Variants in FIZ1 observed in about 807,000 individuals in gnomAD.
The protein encoded by FIZ1 is FLT3 interacting zinc finger 1.
Under a neutral mutation model 5.3 loss-of-function variants are expected in FIZ1, and 2 were observed. The observed-to-expected ratio is 0.37, with a 90% CI of 0.15 to 1.18. The LOEUF is 1.18. Among genes scored for constraint, FIZ1 ranks in the 50% most tolerant of loss-of-function variants. FIZ1 has a pLI of 0.37. For missense variants in FIZ1, 631 were observed against 749.7 expected (o/e 0.84, Z 1.85); for synonymous variants, 407 against 364.2 (o/e 1.12, Z -1.34).
rs1325361368 is a variant in FIZ1, at chr19:55,593,702, C to T, written c.295-56G>A. 2.7e-6 allele frequency: 4 copies of T among 1,481,936 alleles called. No individual in the cohort carries two copies. The highest frequency in any genetic ancestry group is 1.2e-5 in the South Asian group (1 of 82,356). The allele number at this position is 1,481,936 out of a possible 1,614,324, so 91.8% of individuals were successfully genotyped here. On this transcript the variant is annotated intron_variant, in intron 2 of 2. Coordinates refer to ENST00000221665, the MANE Select transcript of FIZ1 (RefSeq NM_032836.3). This position sits in a 1 kb window ranked among gnomAD's most constrained non-coding sequence, Gnocchi z 6.3. ...AGGGCTGAGAACCTAGCCCGGACAA[C>T]GGATTCCTGGACTCCCAGAGGGTTG...
chr19:55,593,534 G>C lies in FIZ1; in HGVS notation c.407C>G (p.Ser136Cys). 6.4e-7 allele frequency: 1 copy of C among 1,550,784 alleles called. No homozygotes were observed. Among genetic ancestry groups the C allele is most frequent in the Non-Finnish European group, 8.7e-7 (1 of 1,146,888 alleles). The change falls in exon 3 of 3, where the codon TCT becomes TGT. Residue 136 changes from serine (S) to cysteine (C), a missense_variant. Coordinates refer to ENST00000221665, the MANE Select transcript of FIZ1 (RefSeq NM_032836.3). This position sits in a 1 kb window ranked among gnomAD's most constrained non-coding sequence, Gnocchi z 6.3. ...CAGGCCAGGGCCGGGCTGCAGGGGAGAGGGGAGAACCCCACGGTGCTGGCG... is the reference window on the plus strand; with the variant it reads ...CAGGCCAGGGCCGGGCTGCAGGGGACAGGGGAGAACCCCACGGTGCTGGCG... ...LKRQHRGVLP[S>C]PLQPGPGLPA...
rs1203423610 is a variant in FIZ1, at chr19:55,593,404, C to T, written c.537G>A (p.Ala179=). ...CTGCCAGCCCCCAGCTGCCCAGACC[C>T]GCGCCTGCCCCCTCGGGGCCCTCTC... ...GGGEGPEGAG[A]GLGSWGLAEA... is the part of the protein sequence containing the mutation. Residue 179 remains alanine, a synonymous_variant, in exon 3 of 3, where the codon GCG becomes GCA. Coordinates refer to ENST00000221665, the MANE Select transcript of FIZ1 (RefSeq NM_032836.3). This position sits in a 1 kb window ranked among gnomAD's most constrained non-coding sequence, Gnocchi z 6.3. 4 of 1,454,534 alleles carry T rather than the reference C, an allele frequency of 2.8e-6. No homozygotes were observed. The highest frequency in any genetic ancestry group is 2.5e-4 in the Middle Eastern group (1 of 3,992). 90.1% of individuals were successfully genotyped at this position (1,454,534 alleles called of 1,614,324 possible). A position where few individuals can be genotyped will look rare whatever the true frequency, so the allele number is the denominator to read the frequency against.
In FIZ1 at chr19:55,592,347, T is replaced by G; in HGVS notation, c.*103A>C. On this transcript the variant is annotated 3_prime_UTR_variant, in exon 3 of 3. Coordinates refer to ENST00000221665, the MANE Select transcript of FIZ1 (RefSeq NM_032836.3). The surrounding 1 kb of genome is among the most constrained non-coding windows in gnomAD (Gnocchi z 6.9). ...CCTCATTTCAGGGCCTGCGTCTGGA[T>G]TTGGATTTGGAGGGCCGGGGCCTCA... 5.5e-5 allele frequency: 63 copies of G among 1,155,892 alleles called. No homozygotes were observed. The highest frequency in any genetic ancestry group is 6.7e-5 in the Non-Finnish European group (57 of 845,626). The allele number at this position is 1,155,892 out of a possible 1,614,324, so 71.6% of individuals were successfully genotyped here.
intron 1 of FIZ1, chr19:55,598,818 G>A (rs1319267938): frequency 6.6e-6 from 1 of 152,142 alleles, no homozygotes; most frequent in Admixed American, 6.6e-5. Flanking sequence ...TCCCCTGCAA[G>A]TCCTTTCCAC....
chr19:55,592,403 C>G lies in FIZ1; in HGVS notation c.*47G>C, dbSNP rs1038795202. 2 of 1,486,244 alleles carry G rather than the reference C, an allele frequency of 1.3e-6. No individual in the cohort carries two copies. The highest frequency in any genetic ancestry group is 2.4e-4 in the Middle Eastern group (1 of 4,218). 92.1% of individuals were successfully genotyped at this position (1,486,244 alleles called of 1,614,324 possible). A position where few individuals can be genotyped will look rare whatever the true frequency, so the allele number is the denominator to read the frequency against. On this transcript the variant is annotated 3_prime_UTR_variant, in exon 3 of 3. Coordinates refer to ENST00000221665, the MANE Select transcript of FIZ1 (RefSeq NM_032836.3). The surrounding 1 kb of genome is among the most constrained non-coding windows in gnomAD (Gnocchi z 6.9). ...AGTCCCGAGGTCCCCTGGTCCAGGC[C>G]GAGTCCAGGAGGCTGGGTGGAGGGC...
At chr19:55,594,562 TGGC>T (rs2123555218) in intron 2 of FIZ1, among the ~76,000 whole-genome samples, 1 of 151,200 alleles carries the variant, frequency 6.6e-6, no homozygotes, top group Non-Finnish European at 1.5e-5. Flanking sequence ...CCGGGCGTGG[TGGC>T]GGGCGCCTGT....
intron 1 of FIZ1, chr19:55,598,662 T>A (rs750315495): frequency 6.6e-6 from 1 of 152,198 alleles, no homozygotes; most frequent in Non-Finnish European, 1.5e-5. Context: ...CTAAGTTATT[T>A]GACTTATCTA....
intron 1 of FIZ1, 37 bp downstream of exon 1, chr19:55,599,437 C>G (rs1207186826): frequency 6.6e-6 from 1 of 152,292 alleles, no homozygotes; most frequent in Non-Finnish European, 1.5e-5. Context: ...CCCGGGAGGC[C>G]GGGGAAGTCC....
rs1272743537 is a variant in FIZ1, at chr19:55,597,606, C to T, written c.260G>A (p.Gly87Glu). ...CAGCAGGCCGGTGGAGTCGCGGAAC[C>T]CCTTGGGGCAGGCAGAGCAGCGGTA... Reference protein sequence around the residue: ...RPYRCSACPKGFRDSTGLLHH... With the variant: ...RPYRCSACPKEFRDSTGLLHH... Residue 87 changes from glycine (G) to glutamate (E), a missense_variant, in exon 2 of 3, where the codon GGG (glycine) becomes GAG (glutamate). Gly to Glu is a moderately conservative substitution (Grantham distance 98, BLOSUM62 -2). Coordinates refer to ENST00000221665, the MANE Select transcript of FIZ1 (RefSeq NM_032836.3). 1 of 1,613,028 alleles carries T rather than the reference C, an allele frequency of 6.2e-7. No homozygotes were observed. The highest frequency in any genetic ancestry group is 2.2e-5 in the East Asian group (1 of 44,866).
Position 55,592,209 on chromosome 19 carries a change from T to C in FIZ1, c.*241A>G, listed in dbSNP as rs557880277. 7.9e-5 allele frequency: 42 copies of C among 534,706 alleles called. No individual in the cohort carries two copies. Among genetic ancestry groups the C allele is most frequent in the African/African-American group, 1.2e-4 (6 of 51,252 alleles). The allele number at this position is 534,706 out of a possible 1,614,324, so 33.1% of individuals were successfully genotyped here. On this transcript the variant is annotated 3_prime_UTR_variant, in exon 3 of 3. Transcript: ENST00000221665. This position sits in a 1 kb window ranked among gnomAD's most constrained non-coding sequence, Gnocchi z 6.9. ...TCCAGGGACCTCAGGCTCAGGAGTC[T>C]CTCCCTAGATTTGGGCTCCCCTGCC...
chr19:55,598,205 AT>A, intron 1 of FIZ1: 1 of 343,318 alleles, frequency 2.9e-6, no homozygotes, highest in Non-Finnish European at 5.4e-6. Context: ...TCCCACTGTA[AT>A]TTAAGCCTCT....
chr19:55,593,314 G>T lies in FIZ1; in HGVS notation c.627C>A (p.Phe209Leu). 1 of 1,255,426 alleles carries T rather than the reference G, an allele frequency of 8.0e-7. No individual in the cohort carries two copies. The highest frequency in any genetic ancestry group is 3.8e-5 in the East Asian group (1 of 26,000). 77.8% of individuals were successfully genotyped at this position (1,255,426 alleles called of 1,614,324 possible). A position where few individuals can be genotyped will look rare whatever the true frequency, so the allele number is the denominator to read the frequency against. ...PFACGACARRFDHGRELAAHW... is the reference protein window; with the variant it reads ...PFACGACARRLDHGRELAAHW... ...GGGCCGCCAGCTCGCGGCCGTGGTCGAAGCGCCGCGCGCAGGCGCCGCACG... is the reference window on the plus strand; with the variant it reads ...GGGCCGCCAGCTCGCGGCCGTGGTCTAAGCGCCGCGCGCAGGCGCCGCACG... Residue 209 changes from phenylalanine (F) to leucine (L), a missense_variant, in exon 3 of 3, where the codon TTC becomes TTA. Transcript: ENST00000221665. This position sits in a 1 kb window ranked among gnomAD's most constrained non-coding sequence, Gnocchi z 6.3.
intron 2 of FIZ1, among the ~76,000 whole-genome samples, chr19:55,595,245 G>A (rs1364581099): frequency 1.3e-5 from 2 of 152,270 alleles, no homozygotes; most frequent in Middle Eastern, 3.4e-3. Flanking sequence ...AAGGAACAGG[G>A]AGTGATGTTC....
intron 1 of FIZ1, chr19:55,599,153 TCCGC>T (rs1009935471): frequency 6.6e-6 from 1 of 152,140 alleles, no homozygotes; most frequent in Non-Finnish European, 1.5e-5. Flanking sequence ...CACTCTAAGC[TCCGC>T]CCAACTCAGG....
chr19:55,594,398 C>CAAAAAA (rs1209856747), intron 2 of FIZ1, among the ~76,000 whole-genome samples: 1 of 63,790 alleles, frequency 1.6e-5, no homozygotes, highest in Non-Finnish European at 3.5e-5. Context: ...GACTCTGTCT[C>CAAAAAA]AAAAAAAAAA....
intron 1 of FIZ1, 178 bp from the exon 2 acceptor site, chr19:55,598,079 G>A: frequency 1.3e-6 from 1 of 755,262 alleles, no homozygotes. Flanking sequence ...CTTCTCTCGC[G>A]GCTCCACGCC....
Position 55,597,651 on chromosome 19 carries a change from G to A in FIZ1, c.215C>T (p.Ser72Leu). Reference protein sequence around the residue: ...HSFNLANHLRSHTGERPYRCS... With the variant: ...HSFNLANHLRLHTGERPYRCS... ...GCGGTAGGGCCGCTCCCCGGTGTGC[G>A]AGCGCAGGTGGTTGGCTAGGTTGAA... The change falls in exon 2 of 3, where the codon TCG (serine) becomes TTG (leucine). Residue 72 changes from serine (S) to leucine (L), a missense_variant. This residue lies in a region of FIZ1 where 68 missense variants were observed against 163.4 expected (regional missense o/e 0.42). Transcript: ENST00000221665. 3.7e-6 allele frequency: 6 copies of A among 1,613,862 alleles called. No individual in the cohort carries two copies. The highest frequency in any genetic ancestry group is 5.1e-6 in the Non-Finnish European group (6 of 1,179,896).
In FIZ1 at chr19:55,592,386, G is replaced by A; in HGVS notation, c.*64C>T. ...GCCGGGGCCTCACGCGCAGTCCCGA[G>A]GTCCCCTGGTCCAGGCCGAGTCCAG... On this transcript the variant is annotated 3_prime_UTR_variant, in exon 3 of 3. Coordinates refer to ENST00000221665, the MANE Select transcript of FIZ1 (RefSeq NM_032836.3). This position sits in a 1 kb window ranked among gnomAD's most constrained non-coding sequence, Gnocchi z 6.9. The A allele has an allele frequency of 7.0e-7, 1 of 1,438,796 alleles. No individual in the cohort carries two copies. Among genetic ancestry groups the A allele is most frequent in the Non-Finnish European group, 9.3e-7 (1 of 1,079,358 alleles). 89.1% of individuals were successfully genotyped at this position (1,438,796 alleles called of 1,614,324 possible).
intron 1 of FIZ1, chr19:55,598,376 G>T (rs1980441272): frequency 6.2e-6 from 1 of 161,894 alleles, no homozygotes; most frequent in African/African-American, 2.4e-5. Flanking sequence ...TAGCGAATGG[G>T]AGGGCAAAGA....
Sources: gnomAD v4.1 joint callset for allele counts (sites outside exome capture counted in the v4.1 genomes callset) on GRCh38, gnomAD v4.1.1 for gene constraint, gnomAD v4.1.1 regional missense constraint, Gnocchi (gnomAD v3.1) non-coding constraint, MANE v1.5 for transcripts, NCBI Gene and HGNC (gene_info 2026-07-23, HGNC 2026-07-21) for gene names.